TACR3: variants seen among roughly 807,000 people sequenced by gnomAD.
TACR3 encodes neuromedin-K receptor.
TACR3 carries 34 observed loss-of-function variants against 35.0 expected under a neutral mutation model. The ratio of observed to expected loss-of-function variants is 0.97; its 90% CI spans 0.74 to 1.30. The LOEUF (loss-of-function observed/expected upper bound fraction) is 1.30. Among genes scored for constraint, TACR3 ranks in the 50% most tolerant of loss-of-function variants. TACR3 has a pLI of 0.00. For synonymous variants in TACR3, 233 were observed against 221.1 expected, an observed-to-expected ratio of 1.05 and a Z score of -0.48; for missense variants, 558 against 591.7, an observed-to-expected ratio of 0.94 and a Z score of 0.59.
At chr4:103,706,489 A>G (rs1722792745) in intron 1 of TACR3, among the ~76,000 whole-genome samples, 2 of 152,180 alleles carry the variant, frequency 1.3e-5, no homozygotes, top group Admixed American at 6.5e-5. Context: ...ATAATTTTAT[A>G]CTGTTTTAAT....
At chr4:103,627,312 C>T (rs1367743534) in intron 3 of TACR3, among the ~76,000 whole-genome samples, 3 of 128,892 alleles carry the variant, frequency 2.3e-5, no homozygotes, top group Non-Finnish European at 3.1e-5. Flanking sequence ...GTCAGGAGTA[C>T]GAGACCAGTC....
intron 3 of TACR3, among the ~76,000 whole-genome samples, chr4:103,614,672 T>C (rs957801965): frequency 6.6e-6 from 1 of 152,092 alleles, no homozygotes; most frequent in African/African-American, 2.4e-5. Flanking sequence ...AATAGTCTTA[T>C]TAGTGAAGAA....
intron 3 of TACR3, among the ~76,000 whole-genome samples, chr4:103,643,838 G>A (rs767972500): frequency 9.2e-5 from 14 of 151,688 alleles, no homozygotes; most frequent in Admixed American, 2.6e-4. Context: ...AATTCATGAT[G>A]CCTGAACATG....
At chr4:103,619,821 A>T (rs1724737282) in intron 3 of TACR3, among the ~76,000 whole-genome samples, 1 of 152,208 alleles carries the variant, frequency 6.6e-6, no homozygotes, top group South Asian at 2.1e-4. Flanking sequence ...GTGAATCACA[A>T]TTATCAACTT....
intron 1 of TACR3, among the ~76,000 whole-genome samples, chr4:103,701,475 C>A (rs1409044734): frequency 1.3e-5 from 2 of 151,964 alleles, no homozygotes; most frequent in Non-Finnish European, 2.9e-5. Flanking sequence ...CCATACTGCC[C>A]AAGGTAATTT....
intron 1 of TACR3, among the ~76,000 whole-genome samples, chr4:103,698,523 C>A (rs1722576911): frequency 7.1e-6 from 1 of 141,030 alleles, no homozygotes; most frequent in Non-Finnish European, 1.5e-5. Flanking sequence ...CACAATTTAT[C>A]AGAGGATATT....
chr4:103,611,569 T>C (rs1724513295), intron 3 of TACR3, among the ~76,000 whole-genome samples: 1 of 152,210 alleles, frequency 6.6e-6, no homozygotes, highest in African/African-American at 2.4e-5. Context: ...ATTACCTCTT[T>C]TGAACTAATG....
intron 3 of TACR3, among the ~76,000 whole-genome samples, chr4:103,603,179 G>A (rs1030065128): frequency 3.3e-4 from 51 of 152,316 alleles, no homozygotes; most frequent in African/African-American, 1.1e-3. Flanking sequence ...CTCCATGGGC[G>A]TAGGACCCTC....
intron 1 of TACR3, among the ~76,000 whole-genome samples, chr4:103,700,003 G>A (rs1459335904): frequency 6.6e-6 from 1 of 152,086 alleles, no homozygotes; most frequent in Non-Finnish European, 1.5e-5. Context: ...TTATTTCAGT[G>A]TGCCCCATAC....
chr4:103,708,347 A>G (rs1380705722), intron 1 of TACR3, among the ~76,000 whole-genome samples: 1 of 152,164 alleles, frequency 6.6e-6, no homozygotes, highest in Non-Finnish European at 1.5e-5. Flanking sequence ...TTGCTGTTCA[A>G]CAATATTTGC....
chr4:103,709,646 G>A (rs569687099), intron 1 of TACR3, among the ~76,000 whole-genome samples: 68 of 152,014 alleles, frequency 4.5e-4, no homozygotes, highest in African/African-American at 1.5e-3. Flanking sequence ...GATCAAATTC[G>A]CACATAACAA....
At chr4:103,629,845 CAAAACA>C (rs1725007367) in intron 3 of TACR3, among the ~76,000 whole-genome samples, 1 of 59,554 alleles carries the variant, frequency 1.7e-5, no homozygotes, top group African/African-American at 8.4e-5. Flanking sequence ...CAATCCTAAG[CAAAACA>C]AAAAAAAAAC....
intron 3 of TACR3, among the ~76,000 whole-genome samples, chr4:103,614,303 T>TATCA (rs1309143893): frequency 2.6e-5 from 4 of 152,210 alleles, no homozygotes; most frequent in African/African-American, 9.6e-5. Flanking sequence ...AAGGAATATC[T>TATCA]ATCATCTTGT....
intron 3 of TACR3, among the ~76,000 whole-genome samples, chr4:103,642,917 T>A (rs1725386326): frequency 6.6e-6 from 1 of 151,892 alleles, no homozygotes; most frequent in South Asian, 2.1e-4. Flanking sequence ...TATCAAAATA[T>A]CACATGTACC....
rs1423847044 is a variant in TACR3, at chr4:103,586,131, T to G, written c.*3551A>C. 1 of 152,028 alleles carries G rather than the reference T, an allele frequency of 6.6e-6. No individual in the cohort carries two copies. The highest frequency in any genetic ancestry group is 1.5e-5 in the Non-Finnish European group (1 of 68,000). The allele number at this position is 152,028 out of a possible 1,614,324, so 9.4% of individuals were successfully genotyped here. Reference sequence around the variant, plus strand: ...AAGGGTGTAAATACATTAAACATATTCAATATAATTACCACAACTTGAAAA... The same window carrying G: ...AAGGGTGTAAATACATTAAACATATGCAATATAATTACCACAACTTGAAAA... On this transcript the variant is annotated 3_prime_UTR_variant, in exon 5 of 5. Coordinates refer to ENST00000304883, the MANE Select transcript of TACR3 (RefSeq NM_001059.3).
At chr4:103,687,267 A>T (rs1322028939) in intron 1 of TACR3, among the ~76,000 whole-genome samples, 1 of 152,206 alleles carries the variant, frequency 6.6e-6, no homozygotes, top group Non-Finnish European at 1.5e-5. Flanking sequence ...AGAGCTATCT[A>T]TGACAAATCC....
At chr4:103,711,231 C>T (rs573488174) in intron 1 of TACR3, among the ~76,000 whole-genome samples, 1 of 152,184 alleles carries the variant, frequency 6.6e-6, no homozygotes, top group South Asian at 2.1e-4. Flanking sequence ...AACATTGATG[C>T]AAAAATCCTC....
At chr4:103,650,240 G>GACACAAGC (rs1414622164) in intron 3 of TACR3, among the ~76,000 whole-genome samples, 1 of 151,680 alleles carries the variant, frequency 6.6e-6, no homozygotes, top group East Asian at 1.9e-4. Context: ...TGGATGGGGT[G>GACACAAGC]ACACAAGCAG....
chr4:103,707,355 C>G (rs1484204357), intron 1 of TACR3, among the ~76,000 whole-genome samples: 3 of 152,174 alleles, frequency 2.0e-5, no homozygotes, highest in Non-Finnish European at 4.4e-5. Flanking sequence ...ACCCCAATGT[C>G]TACTTTACAA....
Sources: allele counts gnomAD v4.1 joint callset (sites outside exome capture counted in the v4.1 genomes callset), GRCh38; gene constraint gnomAD v4.1.1; transcripts MANE v1.5; gene names NCBI Gene and HGNC (gene_info 2026-07-23, HGNC 2026-07-21).